Variants in DSCAML1 observed in about 807,000 individuals in gnomAD.
DSCAML1 encodes cell adhesion molecule DSCAML1.
A neutral mutation model predicts 200.5 loss-of-function variants in DSCAML1; 38 were observed. That is an observed-to-expected ratio of 0.19 (90% CI 0.15 to 0.25). The LOEUF is 0.25. Among genes scored for constraint, DSCAML1 ranks in the 10% least tolerant of loss-of-function variants. The pLI is 1.00. For synonymous variants in DSCAML1, 1,215 were observed against 1,165.0 expected, an observed-to-expected ratio of 1.04 and a Z score of -0.87; for missense variants, 2,223 against 2,858.8, an observed-to-expected ratio of 0.78 and a Z score of 5.07.
Position 117,489,504 on chromosome 11 carries a change from G to T in DSCAML1, c.2360-7342C>A, listed in dbSNP as rs1003477441. Among the ~76,000 whole-genome samples, 2 of 152,222 alleles carry T rather than the reference G, an allele frequency of 1.3e-5. No homozygotes were observed. Among genetic ancestry groups the T allele is most frequent in the Non-Finnish European group, 2.9e-5 (2 of 68,042 alleles). Reference sequence around the variant, plus strand: ...GACTTGAGAGAAGGGAAGGGCTAGGGCTAGGCACAGTGGTGTGGGTGAGCT... The same window carrying T: ...GACTTGAGAGAAGGGAAGGGCTAGGTCTAGGCACAGTGGTGTGGGTGAGCT... On this transcript the variant is annotated intron_variant, in intron 11 of 32. Transcript: ENST00000651296. This position sits in a 1 kb window ranked among gnomAD's most constrained non-coding sequence, Gnocchi z 4.8.
intron 3 of DSCAML1, among the ~76,000 whole-genome samples, chr11:117,617,577 C>T (rs988792939): frequency 2.6e-5 from 4 of 152,022 alleles, no homozygotes; most frequent in Non-Finnish European, 4.4e-5. Context: ...ACGCCAAAGA[C>T]ACTTTGATTC....
chr11:117,791,991 A>T (rs952249137), intron 1 of DSCAML1, among the ~76,000 whole-genome samples: 68 of 152,274 alleles, frequency 4.5e-4, no homozygotes, highest in African/African-American at 1.6e-3. Flanking sequence ...GTGCAGAGCC[A>T]GGATGTGAAT....
chr11:117,640,509 T>C (rs11216478), intron 3 of DSCAML1, among the ~76,000 whole-genome samples: 3,244 of 152,278 alleles, frequency 0.021, 110 homozygotes, highest in African/African-American at 0.071. Context: ...TGGGTTCTGG[T>C]CCAGTCATCC....
At chr11:117,803,853 G>A (rs1173639259) in intron 1 of DSCAML1, among the ~76,000 whole-genome samples, 2 of 152,226 alleles carry the variant, frequency 1.3e-5, no homozygotes, top group Non-Finnish European at 2.9e-5. Flanking sequence ...TGACTTAGAT[G>A]ATGAAAGTTC....
intron 3 of DSCAML1, among the ~76,000 whole-genome samples, chr11:117,661,422 T>G (rs1353636464): frequency 6.6e-6 from 1 of 152,244 alleles, no homozygotes; most frequent in Admixed American, 6.5e-5. Flanking sequence ...CGTTACTGGC[T>G]GGGTTTTGCA....
intron 3 of DSCAML1, among the ~76,000 whole-genome samples, chr11:117,640,413 T>G (rs1205339188): frequency 1.3e-5 from 2 of 152,200 alleles, no homozygotes; most frequent in African/African-American, 4.8e-5. Flanking sequence ...TTGCTCTTAC[T>G]TTAGAGATGG....
intron 3 of DSCAML1, among the ~76,000 whole-genome samples, chr11:117,682,652 C>T (rs973985877): frequency 2.0e-5 from 3 of 152,032 alleles, no homozygotes; most frequent in African/African-American, 7.3e-5. Context: ...TGCATAAAGG[C>T]TGGAAAAGGA....
chr11:117,608,814 T>G (rs1450464532), intron 3 of DSCAML1, among the ~76,000 whole-genome samples: 1 of 152,178 alleles, frequency 6.6e-6, no homozygotes, highest in Non-Finnish European at 1.5e-5. Context: ...GTACCACTCT[T>G]TACTATCACC....
intron 3 of DSCAML1, among the ~76,000 whole-genome samples, chr11:117,600,812 C>T (rs1048158485): frequency 3.4e-4 from 51 of 152,102 alleles, no homozygotes; most frequent in African/African-American, 1.2e-3. Context: ...TATGAAGGGC[C>T]CAGAACCTTT....
chr11:117,639,100 G>C (rs534579533), intron 3 of DSCAML1, among the ~76,000 whole-genome samples: 3 of 152,226 alleles, frequency 2.0e-5, no homozygotes, highest in Admixed American at 2.0e-4. Flanking sequence ...AACAACTAGG[G>C]TCCAGAGGAA....
At position 117,776,784 on chromosome 11, in the gene DSCAML1, T is replaced by G. The variant is rs757238713; in HGVS notation, c.511+7A>C. On this transcript the variant is annotated splice_region_variant and intron_variant, in intron 3 of 32. Coordinates refer to ENST00000651296, the MANE Select transcript of DSCAML1 (RefSeq NM_020693.4). ...TCTGTCTGCCGCAGCCCCGGGACGC[T>G]TCTTACCTGGGATGATGGAGACTGT... is the stretch of plus-strand genomic sequence containing the variant. 107 of 1,613,972 alleles carry G rather than the reference T, an allele frequency of 6.6e-5. No homozygotes were observed. The highest frequency in any genetic ancestry group is 8.8e-5 in the Non-Finnish European group (104 of 1,179,990).
chr11:117,737,871 G>A (rs1466567383), intron 3 of DSCAML1, among the ~76,000 whole-genome samples: 1 of 152,238 alleles, frequency 6.6e-6, no homozygotes, highest in Admixed American at 6.5e-5. Flanking sequence ...TCTGGGGACT[G>A]GGAGCAGTCC....
intron 3 of DSCAML1, among the ~76,000 whole-genome samples, chr11:117,547,332 C>T (rs116256727): frequency 0.01 from 1,580 of 152,302 alleles, 25 homozygotes; most frequent in African/African-American, 0.036. Context: ...AAGCTACCTC[C>T]TTGCAACAGA....
chr11:117,725,043 A>G (rs533247158), intron 3 of DSCAML1, among the ~76,000 whole-genome samples: 12 of 152,294 alleles, frequency 7.9e-5, no homozygotes, highest in African/African-American at 2.6e-4. Flanking sequence ...ACTAACTGGA[A>G]AAAGGAAATG....
chr11:117,495,817 T>C (rs1228302610), intron 11 of DSCAML1, among the ~76,000 whole-genome samples: 1 of 152,232 alleles, frequency 6.6e-6, no homozygotes, highest in Non-Finnish European at 1.5e-5. Context: ...CAAAGCCTGG[T>C]ATTTGTTCCT....
intron 3 of DSCAML1, among the ~76,000 whole-genome samples, chr11:117,647,552 C>A (rs1387200204): frequency 6.6e-6 from 1 of 152,176 alleles, no homozygotes; most frequent in Non-Finnish European, 1.5e-5. Flanking sequence ...TGGTGCCACT[C>A]CAGGCTGAGG....
At chr11:117,799,953 C>T (rs1280532661), upstream of DSCAML1, among the ~76,000 whole-genome samples, 1 of 152,198 alleles carries the variant, frequency 6.6e-6, no homozygotes, top group Non-Finnish European at 1.5e-5. Context: ...GATATTGTGC[C>T]TTCCATGCTG....
intron 3 of DSCAML1, among the ~76,000 whole-genome samples, chr11:117,609,993 G>A (rs1332852629): frequency 3.3e-5 from 5 of 152,122 alleles, no homozygotes; most frequent in Admixed American, 3.3e-4. Context: ...AAGGACTGAT[G>A]AGGCTGTCCC....
At chr11:117,432,589 T>G in intron 29 of DSCAML1, 85 bp from the exon 30 acceptor site, 2 of 1,429,930 alleles carry the variant, frequency 1.4e-6, no homozygotes, top group Non-Finnish European at 9.6e-7. Flanking sequence ...CTCTTTGTCT[T>G]TATCCAATGT....
Sources: allele counts gnomAD v4.1 joint callset (sites outside exome capture counted in the v4.1 genomes callset), GRCh38; gene constraint gnomAD v4.1.1; non-coding constraint Gnocchi (gnomAD v3.1); transcripts MANE v1.5; gene names NCBI Gene and HGNC (gene_info 2026-07-23, HGNC 2026-07-21).